The following ATOSA variants were observed in gnomAD, a reference collection of about 807,000 sequenced individuals.
ATOSA encodes atos homolog protein A.
At chr15:52,596,642 G>T in the ATOSA span, among the ~76,000 whole-genome samples, 1 of 152,202 alleles carries the variant, frequency 6.6e-6, no homozygotes, top group East Asian at 1.9e-4. Flanking sequence ...AACTAGGCAT[G>T]GGGGTACTAT....
the ATOSA span, among the ~76,000 whole-genome samples, chr15:52,692,558 T>G: frequency 6.6e-6 from 1 of 152,348 alleles, no homozygotes; most frequent in East Asian, 1.9e-4. Context: ...TTCACCATAT[T>G]GCCCAGGCTG....
the ATOSA span, among the ~76,000 whole-genome samples, chr15:52,628,595 T>C: frequency 6.6e-6 from 1 of 152,200 alleles, no homozygotes; most frequent in East Asian, 1.9e-4. Flanking sequence ...AAAACTACAA[T>C]GTGATATAGT....
chr15:52,661,939 A>G, the ATOSA span, among the ~76,000 whole-genome samples: 2 of 151,138 alleles, frequency 1.3e-5, no homozygotes, highest in African/African-American at 2.4e-5. Context: ...GCCAAAAAAA[A>G]AAAAAAAAAA....
the ATOSA span, among the ~76,000 whole-genome samples, chr15:52,620,182 C>CA: frequency 6.6e-6 from 1 of 152,140 alleles, no homozygotes; most frequent in Non-Finnish European, 1.5e-5. Context: ...GATCCGTAGA[C>CA]AAAATAGACT....
the ATOSA span, among the ~76,000 whole-genome samples, chr15:52,690,307 G>A: frequency 1.3e-5 from 2 of 152,192 alleles, no homozygotes; most frequent in African/African-American, 4.8e-5. Context: ...AGCCTAGATT[G>A]TGCTATGGTC....
chr15:52,651,401 C>T, the ATOSA span, among the ~76,000 whole-genome samples: 17 of 152,322 alleles, frequency 1.1e-4, no homozygotes, highest in South Asian at 1.9e-3. Context: ...TGTCAAAAAT[C>T]TCACTTAGTT....
chr15:52,613,779 G>A, the ATOSA span: 1 of 1,613,868 alleles, frequency 6.2e-7, no homozygotes, highest in Non-Finnish European at 8.5e-7. Context: ...ACATTCAGGT[G>A]TTCGTCCTTC....
chr15:52,670,942 C>G, the ATOSA span, among the ~76,000 whole-genome samples: 2 of 152,094 alleles, frequency 1.3e-5, no homozygotes, highest in South Asian at 4.1e-4. Context: ...ACTCTAAATC[C>G]TTTGAGTTTT....
chr15:52,645,571 C>T, the ATOSA span, among the ~76,000 whole-genome samples: 134,331 of 152,230 alleles, frequency 0.88, 59,411 homozygotes, highest in East Asian at 1. Flanking sequence ...GGTATGATAT[C>T]TAAAATGTAT....
At chr15:52,591,626 C>A in the ATOSA span, among the ~76,000 whole-genome samples, 1 of 152,164 alleles carries the variant, frequency 6.6e-6, no homozygotes, top group Non-Finnish European at 1.5e-5. Flanking sequence ...TGATCAGATT[C>A]TTGATGTCCT....
the ATOSA span, among the ~76,000 whole-genome samples, chr15:52,603,052 G>A: frequency 6.6e-6 from 1 of 152,176 alleles, no homozygotes; most frequent in Non-Finnish European, 1.5e-5. Context: ...CCAGAAGTCT[G>A]TGGTGCTTTT....
At chr15:52,648,120 T>C in the ATOSA span, among the ~76,000 whole-genome samples, 6 of 152,308 alleles carry the variant, frequency 3.9e-5, no homozygotes, top group African/African-American at 1.2e-4. Flanking sequence ...AGGAAAGTTA[T>C]AATACAATCT....
At chr15:52,619,227 C>A in the ATOSA span, among the ~76,000 whole-genome samples, 1 of 152,094 alleles carries the variant, frequency 6.6e-6, no homozygotes, top group Non-Finnish European at 1.5e-5. Context: ...AGAACAGTTA[C>A]ATTGTTATAG....
the ATOSA span, among the ~76,000 whole-genome samples, chr15:52,647,428 G>GT: frequency 1.3e-5 from 2 of 152,330 alleles, no homozygotes; most frequent in South Asian, 4.1e-4. Context: ...TGGCTTTGAA[G>GT]TTTGAGTTTT....
the ATOSA span, among the ~76,000 whole-genome samples, chr15:52,602,275 G>T: frequency 1.3e-5 from 2 of 151,962 alleles, no homozygotes; most frequent in Non-Finnish European, 1.5e-5. Context: ...TTTCTATTTA[G>T]TTCAAATCCA....
At chr15:52,617,820 T>C in the ATOSA span, among the ~76,000 whole-genome samples, 3 of 149,466 alleles carry the variant, frequency 2.0e-5, no homozygotes, top group Admixed American at 2.0e-4. Context: ...AATTTATATA[T>C]AATAATAAAA....
the ATOSA span, among the ~76,000 whole-genome samples, chr15:52,599,881 T>A: frequency 1.2e-4 from 19 of 152,192 alleles, no homozygotes; most frequent in Non-Finnish European, 2.8e-4. Context: ...AGTAACAGAT[T>A]CCTCAATCCA....
chr15:52,678,124 TGAAA>T, the ATOSA span: 3 of 1,371,972 alleles, frequency 2.2e-6, no homozygotes, highest in Middle Eastern at 1.8e-4. Flanking sequence ...TTCAAAATGC[TGAAA>T]GAGACAAAAA....
the ATOSA span, among the ~76,000 whole-genome samples, chr15:52,703,587 T>G: frequency 4.0e-5 from 6 of 151,466 alleles, no homozygotes; most frequent in African/African-American, 1.5e-4. Context: ...AGAAATCTAG[T>G]AAAGATATAC....
Sources: allele counts gnomAD v4.1 joint callset (sites outside exome capture counted in the v4.1 genomes callset), GRCh38; gene constraint gnomAD v4.1.1; transcripts MANE v1.5; gene names NCBI Gene and HGNC (gene_info 2026-07-23, HGNC 2026-07-21).